The following PCNX2 variants were observed in gnomAD, a reference collection of about 807,000 sequenced individuals.
PCNX2 encodes pecanex 2.
A neutral mutation model predicts 223.8 loss-of-function variants in PCNX2; 168 were observed. The ratio of observed to expected loss-of-function variants is 0.75; its 90% CI spans 0.66 to 0.85. The LOEUF (loss-of-function observed/expected upper bound fraction) is 0.85, where lower values mean the gene tolerates loss of function less well. Among genes scored for constraint, PCNX2 ranks in the 40% least tolerant of loss-of-function variants. The pLI is 0.00. For missense variants in PCNX2, 2,507 were observed against 2,675.5 expected, an observed-to-expected ratio of 0.94 and a Z score of 1.39; for synonymous variants, 1,006 against 1,052.6, an observed-to-expected ratio of 0.96 and a Z score of 0.86.
intron 10 of PCNX2, among the ~76,000 whole-genome samples, chr1:233,223,493 G>A (rs990444420): frequency 9.9e-5 from 15 of 152,114 alleles, no homozygotes; most frequent in African/African-American, 3.6e-4. Context: ...TGTGCAGAAC[G>A]TGCAGGTTTT....
At position 232,991,657 on chromosome 1, in the gene PCNX2, AG is replaced by A. The variant is rs1171998453; in HGVS notation, c.5792-5118del. Reference sequence around the variant, plus strand: ...ATAAAAAGGGGACGTGTGGACACAGAGAAGTACAGGGAGAACATGATGTGAA... The same window carrying A: ...ATAAAAAGGGGACGTGTGGACACAGAAAGTACAGGGAGAACATGATGTGAA... On this transcript the variant is annotated intron_variant, in intron 32 of 33. Coordinates refer to ENST00000258229, the MANE Select transcript of PCNX2 (RefSeq NM_014801.4). The surrounding 1 kb of genome is among the most constrained non-coding windows in gnomAD (Gnocchi z 4.3). 6.6e-6 allele frequency among the ~76,000 whole-genome samples: 1 copy of A among 152,136 alleles called. No individual in the cohort carries two copies. Among genetic ancestry groups the A allele is most frequent in the East Asian group, 1.9e-4 (1 of 5,182 alleles).
intron 21 of PCNX2, among the ~76,000 whole-genome samples, chr1:233,106,546 G>A (rs975668067): frequency 5.9e-5 from 9 of 151,754 alleles, no homozygotes; most frequent in African/African-American, 2.2e-4. Context: ...TAGAGACGGG[G>A]TTTCACCGTG....
chr1:233,106,457 A>G (rs1464994252), intron 21 of PCNX2, among the ~76,000 whole-genome samples: 1 of 149,120 alleles, frequency 6.7e-6, no homozygotes, highest in Non-Finnish European at 1.5e-5. Context: ...CGTTCAAGCG[A>G]TTCTCCTGCC....
At chr1:233,293,309 G>C (rs1558433448) in intron 1 of PCNX2, among the ~76,000 whole-genome samples, 1 of 152,172 alleles carries the variant, frequency 6.6e-6, no homozygotes, top group Non-Finnish European at 1.5e-5. Flanking sequence ...TAGTGAGGTA[G>C]ACTATTTAAT....
intron 12 of PCNX2, among the ~76,000 whole-genome samples, chr1:233,214,969 G>A (rs901568737): frequency 6.6e-5 from 10 of 152,104 alleles, no homozygotes; most frequent in Admixed American, 5.9e-4. Flanking sequence ...TTAGAAGCAC[G>A]CAAAAAAGAA....
intron 8 of PCNX2, among the ~76,000 whole-genome samples, chr1:233,246,743 GC>G (rs1659146523): frequency 2.0e-5 from 3 of 152,096 alleles, no homozygotes; most frequent in South Asian, 4.2e-4. Context: ...CACTGGCTCT[GC>G]TCTGGTTCCA....
chr1:233,137,239 T>C (rs1676861291), intron 20 of PCNX2, among the ~76,000 whole-genome samples: 1 of 152,160 alleles, frequency 6.6e-6, no homozygotes, highest in African/African-American at 2.4e-5. Flanking sequence ...TCCTCACATA[T>C]CCCAAAGGTG....
At chr1:233,278,935 A>C (rs1206742798) in intron 1 of PCNX2, among the ~76,000 whole-genome samples, 1 of 152,174 alleles carries the variant, frequency 6.6e-6, no homozygotes, top group African/African-American at 2.4e-5. Flanking sequence ...CTTGGCCAGC[A>C]TCTATAATCT....
chr1:233,130,219 G>GT (rs1373758033), intron 21 of PCNX2, among the ~76,000 whole-genome samples: 2 of 152,026 alleles, frequency 1.3e-5, no homozygotes, highest in Non-Finnish European at 2.9e-5. Flanking sequence ...TTTAAGAACT[G>GT]TAACACTCAC....
At chr1:233,132,691 G>A (rs1676569130) in intron 21 of PCNX2, among the ~76,000 whole-genome samples, 2 of 152,012 alleles carry the variant, frequency 1.3e-5, no homozygotes, top group African/African-American at 4.8e-5. Context: ...CTTACATACA[G>A]CTTTAAAAAC....
chr1:232,993,922 A>G (rs917027471), intron 32 of PCNX2, among the ~76,000 whole-genome samples: 2 of 152,198 alleles, frequency 1.3e-5, no homozygotes, highest in African/African-American at 2.4e-5. Flanking sequence ...GAGTGTGCAG[A>G]AGACAAGAGT....
intron 1 of PCNX2, chr1:233,290,925 T>G (rs1319545217): frequency 1.0e-5 from 10 of 985,296 alleles, no homozygotes; most frequent in Non-Finnish European, 1.2e-5. Context: ...AGTCTAATGT[T>G]GCCCGGCATG....
the PCNX2 span, among the ~76,000 whole-genome samples, chr1:233,318,563 CTTTTTTTTTT>C: frequency 2.2e-5 from 2 of 92,504 alleles, no homozygotes; most frequent in Non-Finnish European, 4.2e-5. Flanking sequence ...TTTTCTTTTT[CTTTTTTTTTT>C]TTTTTTTTTT....
At chr1:233,054,120 T>C in intron 25 of PCNX2, 148 bp downstream of exon 25, 1 of 667,836 alleles carries the variant, frequency 1.5e-6, no homozygotes, top group East Asian at 2.7e-5. Context: ...CTGTAGTTTA[T>C]TTATATCAAG....
rs139627389 is a variant in PCNX2 at position 233,156,391 on chromosome 1, G to A, written c.3517+3892C>T. Among the ~76,000 whole-genome samples, 12 of 152,352 alleles carry A rather than the reference G, an allele frequency of 7.9e-5. No individual in the cohort carries two copies. The East Asian group carries it at 2.1e-3, about 27-fold the overall frequency. Reference sequence around the variant, plus strand: ...TTTAAAGTTTGTTCCAGCGACTACAGAGTGAAGTGATGATGGTTACATTAA... The same window carrying A: ...TTTAAAGTTTGTTCCAGCGACTACAAAGTGAAGTGATGATGGTTACATTAA... On this transcript the variant is annotated intron_variant, in intron 19 of 33. Transcript: ENST00000258229.
chr1:233,084,547 A>T (rs1436851130), intron 23 of PCNX2, among the ~76,000 whole-genome samples: 1 of 152,214 alleles, frequency 6.6e-6, no homozygotes, highest in Non-Finnish European at 1.5e-5. Flanking sequence ...TGTATTTTAC[A>T]TTTTATAGAG....
the PCNX2 span, among the ~76,000 whole-genome samples, chr1:233,313,988 G>A: frequency 7.8e-4 from 118 of 152,234 alleles, no homozygotes; most frequent in African/African-American, 2.7e-3. Flanking sequence ...CCTTTGACTC[G>A]GGAATCCCAT....
At chr1:233,199,140 G>C (rs1680910685) in intron 14 of PCNX2, 110 bp from the exon 15 acceptor site, 1 of 976,240 alleles carries the variant, frequency 1.0e-6, no homozygotes, top group Non-Finnish European at 1.5e-6. Flanking sequence ...GCCTGCTGAA[G>C]GGGTAAATAA....
rs1290609470 is a variant in PCNX2 at position 233,250,754 on chromosome 1, C to T, written c.2207G>A (p.Cys736Tyr). The change falls in exon 8 of 34, where the codon TGT (cysteine) becomes TAT (tyrosine). Residue 736 changes from cysteine to tyrosine, a missense_variant. Transcript: ENST00000258229. ...CTCCACTCACCGAGCCTGAGAGAGA[C>T]AGTCATTATTTGATGGTAGAGGCTG... ...PLQPLPSNNDCLSQAREMQVS... is the reference protein window; with the variant it reads ...PLQPLPSNNDYLSQAREMQVS... The T allele has an allele frequency of 6.2e-7, 1 of 1,606,296 alleles. No individual in the cohort carries two copies. Among genetic ancestry groups the T allele is most frequent in the Non-Finnish European group, 8.5e-7 (1 of 1,176,402 alleles).
Sources: gnomAD v4.1 joint callset for allele counts (sites outside exome capture counted in the v4.1 genomes callset) on GRCh38, gnomAD v4.1.1 for gene constraint, Gnocchi (gnomAD v3.1) non-coding constraint, MANE v1.5 for transcripts, NCBI Gene and HGNC (gene_info 2026-07-23, HGNC 2026-07-21) for gene names.